Variants in CYP27C1 observed in about 807,000 individuals in gnomAD.
CYP27C1 encodes the protein cytochrome P450 27C1.
Under a neutral mutation model 40.6 loss-of-function variants are expected in CYP27C1, and 29 were observed. That is an observed-to-expected ratio of 0.71 (90% confidence interval 0.53 to 0.97). CYP27C1 has a LOEUF of 0.97. Ranked by LOEUF, CYP27C1 falls within the 50% of genes least tolerant of loss-of-function variation. The probability of loss-of-function intolerance (pLI) is 0.00; values close to 1 mark genes in which losing one functional copy is unlikely to be tolerated. For synonymous variants in CYP27C1, 198 were observed against 186.8 expected (o/e 1.06, Z -0.49); for missense variants, 390 against 485.8 (o/e 0.80, Z 1.85).
chr2:127,198,035 G>T (rs1477315335), intron 5 of CYP27C1, among the ~76,000 whole-genome samples: 2 of 152,090 alleles, frequency 1.3e-5, no homozygotes, highest in Non-Finnish European at 2.9e-5. Context: ...TATACATGCT[G>T]GTCTGCCTCT....
chr2:127,216,962 G>T (rs1459292884), intron 1 of CYP27C1, among the ~76,000 whole-genome samples: 3 of 152,142 alleles, frequency 2.0e-5, no homozygotes, highest in Non-Finnish European at 4.4e-5. Flanking sequence ...AGACTAAACT[G>T]GAATGAGTCC....
rs761777997 is a variant in CYP27C1 at position 127,218,238 on chromosome 2, G to A, written c.282+1751C>T. Among the ~76,000 whole-genome samples, 6 of 152,164 alleles carry A rather than the reference G, an allele frequency of 3.9e-5. No homozygotes were observed. Among genetic ancestry groups the A allele is most frequent in the Non-Finnish European group, 8.8e-5 (6 of 68,028 alleles). ...AGGCTTTAACACGGTCCGTCTCAAA[G>A]AAACCTGTGCCCATGGAACAAACTC... is the stretch of plus-strand genomic sequence containing the variant. On this transcript the variant is annotated intron_variant, in intron 1 of 8. Coordinates refer to ENST00000664447, the MANE Select transcript of CYP27C1 (RefSeq NM_001367502.1). The surrounding 1 kb of genome is among the most constrained non-coding windows in gnomAD (Gnocchi z 6.0).
intron 2 of CYP27C1, among the ~76,000 whole-genome samples, chr2:127,204,736 G>A (rs1683187509): frequency 6.6e-6 from 1 of 152,194 alleles, no homozygotes; most frequent in South Asian, 2.1e-4. Flanking sequence ...CCAGGTAGCA[G>A]GCCCAGCACA....
At position 127,209,036 on chromosome 2, in the gene CYP27C1, C is replaced by T. The variant is rs1242056785; in HGVS notation, c.283-2946G>A. Among the ~76,000 whole-genome samples the T allele has an allele frequency of 6.6e-6, 1 of 152,196 alleles. No homozygotes were observed. Among genetic ancestry groups the T allele is most frequent in the East Asian group, 1.9e-4 (1 of 5,198 alleles). ...ATTAAAAGGTTCTTGCTCCCCATGC[C>T]ACCCAACTGGGTGAGACCCTCCAAT... On this transcript the variant is annotated intron_variant, in intron 1 of 8. Coordinates refer to ENST00000664447, the MANE Select transcript of CYP27C1 (RefSeq NM_001367502.1). This position sits in a 1 kb window ranked among gnomAD's most constrained non-coding sequence, Gnocchi z 4.1.
intron 7 of CYP27C1, 44 bp downstream of exon 7, chr2:127,193,744 AC>A (rs764561617): frequency 4.4e-6 from 7 of 1,607,922 alleles, no homozygotes; most frequent in East Asian, 4.5e-5. Context: ...TTCCAATTCA[AC>A]CCCGACCCGC....
chr2:127,199,478 C>G lies in CYP27C1; in HGVS notation c.945G>C (p.Arg315Ser). The change falls in exon 5 of 9, where the codon AGG becomes AGC. Residue 315 changes from arginine to serine, a missense_variant. Transcript: ENST00000664447. ...GGTATGTGAGAAGTCCCCCGCTCAC[C>G]CTCCGGCCTCGGTCCATTTGGTACT... Reference protein sequence around the residue: ...DIQYQMDRGRRVSGGLLTYLF... With the variant: ...DIQYQMDRGRSVSGGLLTYLF... The G allele has an allele frequency of 6.2e-7, 1 of 1,614,212 alleles. No homozygotes were observed.
At chr2:127,199,854 C>A (rs181056259) in intron 4 of CYP27C1, among the ~76,000 whole-genome samples, 6 of 152,268 alleles carry the variant, frequency 3.9e-5, no homozygotes, top group African/African-American at 9.6e-5. Flanking sequence ...AATGCAAACT[C>A]TTTTATTTTT....
intron 1 of CYP27C1, among the ~76,000 whole-genome samples, chr2:127,211,791 C>A (rs921392628): frequency 6.6e-6 from 1 of 151,730 alleles, no homozygotes; most frequent in Non-Finnish European, 1.5e-5. Flanking sequence ...GCTAAAGAGG[C>A]GAGAGCAAAC....
rs946965805 is a variant in CYP27C1 at position 127,187,179 on chromosome 2, G to A, written c.*92C>T. 18 of 1,036,598 alleles carry A rather than the reference G, an allele frequency of 1.7e-5. No homozygotes were observed. In the East Asian group the frequency reaches 3.9e-4, roughly 22 times the overall value. The allele number at this position is 1,036,598 out of a possible 1,614,324, so 64.2% of individuals were successfully genotyped here. On this transcript the variant is annotated 3_prime_UTR_variant, in exon 9 of 9. Transcript: ENST00000664447. ...TAACAAGACAGCCTTTAGCGACATC[G>A]CTTTCCTTCTCCACGGTGATCAGCG...
Position 127,185,921 on chromosome 2 carries a change from G to C in CYP27C1, c.*1350C>G, listed in dbSNP as rs1017335412. On this transcript the variant is annotated 3_prime_UTR_variant, in exon 9 of 9. Transcript: ENST00000664447. This position sits in a 1 kb window ranked among gnomAD's most constrained non-coding sequence, Gnocchi z 4.9. ...AGGCAACAGAACTCCTCAGGACCCA[G>C]CACTCCCGGAGCCACGGCTTCCCAG... 1.3e-5 allele frequency: 2 copies of C among 152,202 alleles called. No homozygotes were observed. Among genetic ancestry groups the C allele is most frequent in the Admixed American group, 1.3e-4 (2 of 15,284 alleles). The allele number at this position is 152,202 out of a possible 1,614,324, so 9.4% of individuals were successfully genotyped here.
rs1325053007 is a variant in CYP27C1, at chr2:127,219,557, G to A, written c.282+432C>T. Among the ~76,000 whole-genome samples the A allele has an allele frequency of 6.6e-6, 1 of 151,008 alleles. No individual in the cohort carries two copies. Among genetic ancestry groups the A allele is most frequent in the Non-Finnish European group, 1.5e-5 (1 of 67,648 alleles). ...CCCTCCCCGCTACCTCCTCCCCAGG[G>A]GTCCCGGCTGGGGCCCCTCCAGGGG... On this transcript the variant is annotated intron_variant, in intron 1 of 8. Transcript: ENST00000664447. This position sits in a 1 kb window ranked among gnomAD's most constrained non-coding sequence, Gnocchi z 8.7.
At chr2:127,191,243 A>AAT (rs1558925267) in intron 8 of CYP27C1, among the ~76,000 whole-genome samples, 1 of 152,172 alleles carries the variant, frequency 6.6e-6, no homozygotes, top group African/African-American at 2.4e-5. Context: ...GACTCAAAAA[A>AAT]AATAATAAAA....
Position 127,219,773 on chromosome 2 carries a change from G to T in CYP27C1, c.282+216C>A, listed in dbSNP as rs2104705441. ...CTCCACCCCGGATCGCCTTTCCGGCGTCCTCTCCCCAGCGCCCCTTCCTGC... is the reference window on the plus strand; with the variant it reads ...CTCCACCCCGGATCGCCTTTCCGGCTTCCTCTCCCCAGCGCCCCTTCCTGC... On this transcript the variant is annotated intron_variant, in intron 1 of 8. Coordinates refer to ENST00000664447, the MANE Select transcript of CYP27C1 (RefSeq NM_001367502.1). The surrounding 1 kb of genome is among the most constrained non-coding windows in gnomAD (Gnocchi z 8.7). Among the ~76,000 whole-genome samples, 2 of 143,334 alleles carry T rather than the reference G, an allele frequency of 1.4e-5. No individual in the cohort carries two copies. The highest frequency in any genetic ancestry group is 5.3e-5 in the African/African-American group (2 of 38,066). 94.0% of individuals were successfully genotyped at this position (143,334 alleles called of 152,430 possible).
At position 127,184,253 on chromosome 2, in the gene CYP27C1, CTTTTA is replaced by C. The variant is rs1488893606; in HGVS notation, c.*3013_*3017del. 100 of 152,094 alleles carry C rather than the reference CTTTTA, an allele frequency of 6.6e-4. 1 individual carries two copies. Among genetic ancestry groups the C allele is most frequent in the African/African-American group, 2.2e-3 (90 of 41,484 alleles). The allele number at this position is 152,094 out of a possible 1,614,324, so 9.4% of individuals were successfully genotyped here. On this transcript the variant is annotated 3_prime_UTR_variant, in exon 9 of 9. Transcript: ENST00000664447. ...GCATTGGAAGAATTAATATTTTTGG[CTTTTA>C]TTTTATTTTTAAAAATTATCTCTTA... is the stretch of plus-strand genomic sequence containing the variant.
At chr2:127,204,598 AAAGAAAGAAAGAAAGAAAGAAAGAAAG>A (rs1558931507) in intron 2 of CYP27C1, among the ~76,000 whole-genome samples, 6 of 98,204 alleles carry the variant, frequency 6.1e-5, no homozygotes, top group African/African-American at 2.2e-4. Context: ...AGAAAGAAAG[AAAGAAAGAAAGAAAGAAAGAAAGAAAG>A]AAGACTGCAG....
intron 2 of CYP27C1, chr2:127,205,588 T>G (rs1024960968): frequency 2.7e-5 from 20 of 749,460 alleles, no homozygotes; most frequent in Non-Finnish European, 3.1e-5. Context: ...GCTGTGAGTT[T>G]TGTCTGCCTC....
intron 8 of CYP27C1, 122 bp downstream of exon 8, chr2:127,192,972 G>T: frequency 7.8e-7 from 1 of 1,289,214 alleles, no homozygotes; most frequent in Non-Finnish European, 1.1e-6. Flanking sequence ...CACAGTGCCT[G>T]ACGGCTCTTG....
chr2:127,189,016 C>T (rs1007932028), intron 8 of CYP27C1, among the ~76,000 whole-genome samples: 1 of 152,194 alleles, frequency 6.6e-6, no homozygotes, highest in South Asian at 2.1e-4. Flanking sequence ...GAAACGCCTG[C>T]TCATTCCCAT....
At chr2:127,191,623 C>T (rs987371657) in intron 8 of CYP27C1, among the ~76,000 whole-genome samples, 2 of 152,224 alleles carry the variant, frequency 1.3e-5, no homozygotes, top group South Asian at 2.1e-4. Flanking sequence ...AGACTCTGTA[C>T]GTGGACTGTT....
Sources: gnomAD v4.1 joint callset for allele counts (sites outside exome capture counted in the v4.1 genomes callset) on GRCh38, gnomAD v4.1.1 for gene constraint, Gnocchi (gnomAD v3.1) non-coding constraint, MANE v1.5 for transcripts, NCBI Gene and HGNC (gene_info 2026-07-23, HGNC 2026-07-21) for gene names.